SYT9: variants seen among roughly 807,000 people sequenced by gnomAD.
SYT9 encodes synaptotagmin 9, also known as synaptotagmin-9.
In SYT9, 22 loss-of-function variants were observed where a neutral mutation model predicts 48.4. That is an observed-to-expected ratio of 0.45 (90% CI 0.32 to 0.65). The LOEUF is 0.65. Among genes scored for constraint, SYT9 ranks in the 30% least tolerant of loss-of-function variants. The pLI is 0.03. For synonymous variants in SYT9, 265 were observed against 245.0 expected (o/e 1.08, Z -0.76); for missense variants, 577 against 622.0 (o/e 0.93, Z 0.77).
intron 6 of SYT9, among the ~76,000 whole-genome samples, chr11:7,460,571 T>C (rs1290158663): frequency 6.6e-6 from 1 of 152,176 alleles, no homozygotes; most frequent in East Asian, 1.9e-4. Flanking sequence ...GGTGAAATGA[T>C]GTTAAGCATT....
intron 6 of SYT9, among the ~76,000 whole-genome samples, chr11:7,434,603 T>C (rs543867551): frequency 5.3e-4 from 80 of 152,306 alleles, no homozygotes; most frequent in African/African-American, 1.9e-3. Context: ...CCCGTGGCTA[T>C]GGAAGATCGT....
chr11:7,372,948 A>G (rs1850389328), intron 3 of SYT9, among the ~76,000 whole-genome samples: 1 of 152,010 alleles, frequency 6.6e-6, no homozygotes, highest in African/African-American at 2.4e-5. Context: ...ATTTATTTTT[A>G]TTAGGAATGG....
intron 6 of SYT9, among the ~76,000 whole-genome samples, chr11:7,445,889 C>A (rs1847919610): frequency 6.6e-6 from 1 of 152,330 alleles, no homozygotes; most frequent in South Asian, 2.1e-4. Flanking sequence ...TTCCAGATGG[C>A]TGCACTAGTC....
Position 7,305,248 on chromosome 11 carries a change from C to T in SYT9, c.497+1858C>T, listed in dbSNP as rs369238940. Reference sequence around the variant, plus strand: ...TTTTGAAGGCATGCAATTACATTATCTTTTCTGATGGCAAAAATCAAGTTT... The same window carrying T: ...TTTTGAAGGCATGCAATTACATTATTTTTTCTGATGGCAAAAATCAAGTTT... On this transcript the variant is annotated intron_variant, in intron 2 of 6. Coordinates refer to ENST00000318881, the MANE Select transcript of SYT9 (RefSeq NM_175733.4). 3.8e-4 allele frequency among the ~76,000 whole-genome samples: 58 copies of T among 152,294 alleles called. No individual in the cohort carries two copies. In the South Asian group the frequency reaches 0.011, roughly 30 times the overall value.
At chr11:7,337,883 G>A (rs1849654586) in intron 3 of SYT9, among the ~76,000 whole-genome samples, 1 of 152,150 alleles carries the variant, frequency 6.6e-6, no homozygotes, top group Non-Finnish European at 1.5e-5. Context: ...CACAGAATAA[G>A]CTGGGGAGGA....
intron 3 of SYT9, among the ~76,000 whole-genome samples, chr11:7,382,853 C>T (rs192912616): frequency 1.3e-5 from 2 of 152,244 alleles, no homozygotes; most frequent in Middle Eastern, 3.4e-3. Context: ...GTGGGCTGAT[C>T]CCAGACCCTT....
intron 3 of SYT9, among the ~76,000 whole-genome samples, chr11:7,409,416 C>T (rs900800945): frequency 3.9e-5 from 6 of 151,998 alleles, no homozygotes; most frequent in African/African-American, 7.2e-5. Flanking sequence ...TTTCCACTTT[C>T]GTTTTCTGAA....
At chr11:7,269,132 A>G (rs955201075) in intron 1 of SYT9, among the ~76,000 whole-genome samples, 9 of 151,936 alleles carry the variant, frequency 5.9e-5, no homozygotes, top group Middle Eastern at 3.4e-3. Flanking sequence ...TTACCAGCTG[A>G]TGGACATTTG....
At position 7,360,393 on chromosome 11, in the gene SYT9, T is replaced by G. The variant is rs560544545; in HGVS notation, c.1044+46452T>G. ...GTTTTTTCCAATTCTGGGAAGAAAG[T>G]CATTGGTAGCTTGATGGGGATGGCA... On this transcript the variant is annotated intron_variant, in intron 3 of 6. Transcript: ENST00000318881. 7.2e-3 allele frequency among the ~76,000 whole-genome samples: 1,090 copies of G among 152,332 alleles called. 9 individuals are homozygous for G. Among genetic ancestry groups the G allele is most frequent in the African/African-American group, 0.024 (1,007 of 41,570 alleles).
rs1848962392 is a variant in SYT9 at position 7,303,221 on chromosome 11, G to A, written c.328G>A (p.Glu110Lys). 5 of 1,613,968 alleles carry A rather than the reference G, an allele frequency of 3.1e-6. No individual in the cohort carries two copies. Among genetic ancestry groups the A allele is most frequent in the Non-Finnish European group, 4.2e-6 (5 of 1,180,018 alleles). ...CATGGACACAGAGACCAATGAGCAG[G>A]AGAACAGTGAGGACTTCCTAGATCC... ...NYMDTETNEQ[E>K]NSEDFLDPPT... Residue 110 changes from glutamate (E) to lysine (K), a missense_variant, in exon 2 of 7, where the codon GAG (glutamate) becomes AAG (lysine). By Grantham distance (56) the Glu-to-Lys change is moderately conservative (BLOSUM62 1). Transcript: ENST00000318881.
chr11:7,370,809 G>T (rs933036337), intron 3 of SYT9, among the ~76,000 whole-genome samples: 3 of 152,160 alleles, frequency 2.0e-5, no homozygotes, highest in Admixed American at 2.0e-4. Context: ...CAATAAGCAT[G>T]TTGACTATGG....
At position 7,467,304 on chromosome 11, in the gene SYT9, T is replaced by G. The variant is rs902960962; in HGVS notation, c.*504T>G. On this transcript the variant is annotated 3_prime_UTR_variant, in exon 7 of 7. Coordinates refer to ENST00000318881, the MANE Select transcript of SYT9 (RefSeq NM_175733.4). ...AATGACTGTCTCCAGAAAATAACTGTGCCCCAAGAAGTGCTCCAGATTTGC... is the reference window on the plus strand; with the variant it reads ...AATGACTGTCTCCAGAAAATAACTGGGCCCCAAGAAGTGCTCCAGATTTGC... The G allele has an allele frequency of 1.3e-4, 20 of 153,544 alleles. No homozygotes were observed. Among genetic ancestry groups the G allele is most frequent in the African/African-American group, 4.8e-4 (20 of 41,584 alleles). The allele number at this position is 153,544 out of a possible 1,614,324, so 9.5% of individuals were successfully genotyped here.
In SYT9 at chr11:7,455,436, C is replaced by T. The variant is rs768802769; in HGVS notation, c.1468-11356C>T. On this transcript the variant is annotated intron_variant, in intron 6 of 6. Coordinates refer to ENST00000318881, the MANE Select transcript of SYT9 (RefSeq NM_175733.4). ...GCAGCCTCTGCCTCCTGGGCTCAAGCGATTCTCCTACCTCAGCCTCCCAAG... is the reference window on the plus strand; with the variant it reads ...GCAGCCTCTGCCTCCTGGGCTCAAGTGATTCTCCTACCTCAGCCTCCCAAG... 4.6e-5 allele frequency among the ~76,000 whole-genome samples: 7 copies of T among 151,216 alleles called. No individual in the cohort carries two copies. In the East Asian group the frequency reaches 5.8e-4, roughly 13 times the overall value.
intron 3 of SYT9, among the ~76,000 whole-genome samples, chr11:7,380,539 C>G (rs984405049): frequency 7.9e-5 from 12 of 151,970 alleles, no homozygotes; most frequent in Admixed American, 5.2e-4. Context: ...TGTATCAAAA[C>G]CTCTCAGGCA....
intron 1 of SYT9, among the ~76,000 whole-genome samples, chr11:7,297,382 G>A (rs2133928718): frequency 6.6e-6 from 1 of 152,264 alleles, no homozygotes; most frequent in Non-Finnish European, 1.5e-5. Context: ...ATAATGTGAA[G>A]CAAATTGTGA....
chr11:7,467,092 C>A lies in SYT9; in HGVS notation c.*292C>A. The A allele has an allele frequency of 2.4e-6, 1 of 421,624 alleles. No individual in the cohort carries two copies. Among genetic ancestry groups the A allele is most frequent in the Non-Finnish European group, 4.3e-6 (1 of 234,366 alleles). The allele number at this position is 421,624 out of a possible 1,614,324, so 26.1% of individuals were successfully genotyped here. On this transcript the variant is annotated 3_prime_UTR_variant, in exon 7 of 7. Coordinates refer to ENST00000318881, the MANE Select transcript of SYT9 (RefSeq NM_175733.4). ...CAAATGATAGATATAGTGACAGTAC[C>A]AAGAGTACCAGGACTCAATGTTTCA...
intron 3 of SYT9, among the ~76,000 whole-genome samples, chr11:7,376,246 C>T (rs1352909669): frequency 6.6e-6 from 1 of 151,310 alleles, no homozygotes; most frequent in Non-Finnish European, 1.5e-5. Flanking sequence ...TGAAAACCTA[C>T]CTGTTTCTCT....
chr11:7,247,257 A>C (rs1847802991), upstream of SYT9, among the ~76,000 whole-genome samples: 1 of 151,352 alleles, frequency 6.6e-6, no homozygotes, highest in Admixed American at 6.6e-5. Flanking sequence ...CCCCCTTCCC[A>C]CCCTTTCCCC....
At chr11:7,370,968 G>A (rs1227682166) in intron 3 of SYT9, among the ~76,000 whole-genome samples, 1 of 152,106 alleles carries the variant, frequency 6.6e-6, no homozygotes. Context: ...CAGTTTCTGT[G>A]CATTTGTATT....
Sources: allele counts gnomAD v4.1 joint callset (sites outside exome capture counted in the v4.1 genomes callset), GRCh38; gene constraint gnomAD v4.1.1; transcripts MANE v1.5; gene names NCBI Gene and HGNC (gene_info 2026-07-23, HGNC 2026-07-21).